INSL6: variants seen among roughly 807,000 people sequenced by gnomAD.
INSL6 encodes the protein insulin like 6.
A neutral mutation model predicts 9.4 loss-of-function variants in INSL6; 16 were observed. The ratio of observed to expected loss-of-function variants is 1.70; its 90% confidence interval spans 1.15 to 2.59. INSL6 has a LOEUF of 2.59. INSL6 is among the 30% of genes most tolerant of loss of function. The pLI is 0.00. For synonymous variants in INSL6, 154 were observed against 96.9 expected, an observed-to-expected ratio of 1.59 and a Z score of -3.46; for missense variants, 391 against 257.3, an observed-to-expected ratio of 1.52 and a Z score of -3.56.
the INSL6 span, among the ~76,000 whole-genome samples, chr9:5,090,229 A>C: frequency 1.3e-5 from 2 of 152,230 alleles, no homozygotes; most frequent in Non-Finnish European, 2.9e-5. Context: ...GAGTTATAGA[A>C]AACTGAAACG....
chr9:5,040,649 A>G, the INSL6 span, among the ~76,000 whole-genome samples: 1 of 152,276 alleles, frequency 6.6e-6, no homozygotes, highest in East Asian at 1.9e-4. Flanking sequence ...AAAGTAGGCA[A>G]GGGACTTGGA....
the INSL6 span, chr9:5,078,214 C>G: frequency 9.6e-7 from 1 of 1,043,030 alleles, no homozygotes; most frequent in South Asian, 2.0e-5. Flanking sequence ...ATGTATTTTT[C>G]TTCTTTAAAT....
At chr9:5,096,375 C>T in the INSL6 span, among the ~76,000 whole-genome samples, 33 of 152,236 alleles carry the variant, frequency 2.2e-4, 1 homozygote, top group Admixed American at 1.7e-3. Context: ...ATCAGTTGAA[C>T]GCAAATCAAC....
chr9:5,090,741 T>C, the INSL6 span: 1 of 1,600,784 alleles, frequency 6.2e-7, no homozygotes, highest in Admixed American at 1.8e-5. Flanking sequence ...ATCCATAGGG[T>C]ATGGAGTATC....
the INSL6 span, chr9:5,094,057 G>A: frequency 1.3e-5 from 2 of 152,218 alleles, no homozygotes; most frequent in African/African-American, 4.8e-5. Flanking sequence ...AGCATAAAAC[G>A]TAAAACTTTA....
At chr9:5,173,471 G>C (rs1245178512) in intron 1 of INSL6, among the ~76,000 whole-genome samples, 2 of 152,134 alleles carry the variant, frequency 1.3e-5, no homozygotes, top group African/African-American at 4.8e-5. Context: ...GAAATGGATG[G>C]AGCTGGAAGC....
chr9:5,010,250 G>T, the INSL6 span, among the ~76,000 whole-genome samples: 99 of 151,518 alleles, frequency 6.5e-4, no homozygotes, highest in Non-Finnish European at 1.2e-3. Flanking sequence ...AGCTACTGTT[G>T]TTACCTGTTT....
chr9:5,019,244 C>CT, the INSL6 span, among the ~76,000 whole-genome samples: 5 of 152,138 alleles, frequency 3.3e-5, no homozygotes, highest in African/African-American at 1.2e-4. Flanking sequence ...TTTGTTCATT[C>CT]TTTTTTCTTT....
At chr9:5,153,400 C>G (rs956751623) in intron 2 of INSL6, among the ~76,000 whole-genome samples, 5 of 152,192 alleles carry the variant, frequency 3.3e-5, no homozygotes, top group African/African-American at 9.7e-5. Context: ...TGGTTTCACC[C>G]TCACGGTGTA....
chr9:5,128,513 T>C (rs1320404593), intron 3 of INSL6, among the ~76,000 whole-genome samples: 1 of 151,902 alleles, frequency 6.6e-6, no homozygotes, highest in Non-Finnish European at 1.5e-5. Context: ...CAGATTTTCA[T>C]ACTAAAACTT....
At chr9:5,123,778 A>G (rs1823789969), downstream of INSL6, among the ~76,000 whole-genome samples, 1 of 151,922 alleles carries the variant, frequency 6.6e-6, no homozygotes, top group African/African-American at 2.4e-5. Context: ...ACAGTGTATA[A>G]GAGTTCCCTT....
At chr9:5,181,814 T>G (rs188696614) in intron 1 of INSL6, among the ~76,000 whole-genome samples, 1 of 151,980 alleles carries the variant, frequency 6.6e-6, no homozygotes, top group East Asian at 1.9e-4. Context: ...TAAGAGAAAA[T>G]CCAAAAGGTT....
intron 2 of INSL6, among the ~76,000 whole-genome samples, chr9:5,148,141 ATTCT>A (rs1252364499): frequency 1.3e-5 from 2 of 152,148 alleles, no homozygotes; most frequent in Admixed American, 6.5e-5. Context: ...TTTTATGCTG[ATTCT>A]TTCTCATCTG....
chr9:5,113,930 T>C, the INSL6 span: 1 of 246,414 alleles, frequency 4.1e-6, no homozygotes, highest in Non-Finnish European at 8.2e-6. Flanking sequence ...CCCCCGACCA[T>C]CCAGTTCCTG....
the INSL6 span, chr9:5,041,564 G>A: frequency 1.9e-6 from 1 of 522,030 alleles, no homozygotes; most frequent in Admixed American, 2.3e-5. Context: ...AGATGGCTAC[G>A]TACCTGCACT....
the INSL6 span, chr9:5,111,079 G>A: frequency 2.5e-6 from 3 of 1,219,378 alleles, no homozygotes; most frequent in Admixed American, 4.1e-5. Flanking sequence ...GCCCAGCTCA[G>A]GCTCCTGGGG....
chr9:5,180,906 T>A (rs1474039170), intron 1 of INSL6, among the ~76,000 whole-genome samples: 7 of 152,302 alleles, frequency 4.6e-5, no homozygotes, highest in Non-Finnish European at 1.0e-4. Flanking sequence ...AAGCATGTGA[T>A]CTACTCCCTG....
chr9:5,157,464 A>G (rs1051189548), intron 2 of INSL6, among the ~76,000 whole-genome samples: 1 of 152,136 alleles, frequency 6.6e-6, no homozygotes, highest in African/African-American at 2.4e-5. Context: ...TAGTCAACTG[A>G]TTTTTGTAAG....
At chr9:5,027,953 T>G in the INSL6 span, among the ~76,000 whole-genome samples, 18 of 152,228 alleles carry the variant, frequency 1.2e-4, no homozygotes, top group Non-Finnish European at 2.9e-5. Flanking sequence ...AAGATACCCA[T>G]GAGAGCCAGA....
Sources: allele counts gnomAD v4.1 joint callset (sites outside exome capture counted in the v4.1 genomes callset), GRCh38; gene constraint gnomAD v4.1.1; transcripts MANE v1.5; gene names NCBI Gene and HGNC (gene_info 2026-07-23, HGNC 2026-07-21).